Variants in PRELID2 observed in about 807,000 individuals in gnomAD.
The protein encoded by PRELID2 is PRELI domain containing 2.
Under a neutral mutation model 28.4 loss-of-function variants are expected in PRELID2, and 25 were observed. The observed-to-expected ratio is 0.88, with a 90% CI of 0.64 to 1.23. PRELID2 has a LOEUF of 1.23. PRELID2 is among the 50% of genes most tolerant of loss of function. The pLI is 0.00. For synonymous variants in PRELID2, 76 were observed against 71.6 expected (o/e 1.06, Z -0.31); for missense variants, 201 against 214.4 (o/e 0.94, Z 0.39).
chr5:145,397,956 G>C, the PRELID2 span, among the ~76,000 whole-genome samples: 2 of 152,164 alleles, frequency 1.3e-5, no homozygotes, highest in African/African-American at 4.8e-5. Flanking sequence ...ATGCAATGGT[G>C]TGAGGCGATG....
downstream of PRELID2, among the ~76,000 whole-genome samples, chr5:145,753,274 T>C (rs1036309704): frequency 6.6e-6 from 1 of 152,164 alleles, no homozygotes; most frequent in Non-Finnish European, 1.5e-5. Flanking sequence ...CACAGCTACA[T>C]CTTAAGGTCC....
At chr5:145,281,770 T>A in the PRELID2 span, among the ~76,000 whole-genome samples, 2 of 152,186 alleles carry the variant, frequency 1.3e-5, no homozygotes, top group African/African-American at 4.8e-5. Flanking sequence ...GTACGATCAA[T>A]ACAGTAGAAT....
the PRELID2 span, among the ~76,000 whole-genome samples, chr5:145,230,859 G>A: frequency 1.3e-5 from 2 of 152,306 alleles, no homozygotes; most frequent in South Asian, 4.1e-4. Context: ...CACTCACATG[G>A]CTGTTGGTGG....
the PRELID2 span, among the ~76,000 whole-genome samples, chr5:145,427,822 C>T: frequency 0.41 from 62,522 of 151,794 alleles, 13,245 homozygotes; most frequent in Admixed American, 0.49. Context: ...TTAGATTAGA[C>T]GATATTAATT....
At chr5:145,514,510 G>A (rs1399327749) in intron 1 of PRELID2, among the ~76,000 whole-genome samples, 1 of 152,090 alleles carries the variant, frequency 6.6e-6, no homozygotes, top group African/African-American at 2.4e-5. Context: ...AAGTTCATAA[G>A]ACCTACAAAC....
At chr5:145,264,525 C>T in the PRELID2 span, among the ~76,000 whole-genome samples, 1 of 152,064 alleles carries the variant, frequency 6.6e-6, no homozygotes, top group Non-Finnish European at 1.5e-5. Context: ...GACAAACCCA[C>T]AGCCAAAATT....
intron 1 of PRELID2, among the ~76,000 whole-genome samples, chr5:145,509,270 A>G (rs1217423416): frequency 6.6e-6 from 1 of 152,228 alleles, no homozygotes; most frequent in Admixed American, 6.5e-5. Flanking sequence ...AAGCTGCAAC[A>G]GATTTATCAG....
the PRELID2 span, among the ~76,000 whole-genome samples, chr5:145,298,575 C>G: frequency 1.3e-5 from 2 of 152,098 alleles, no homozygotes; most frequent in Non-Finnish European, 2.9e-5. Flanking sequence ...TTACTGCCAT[C>G]ATAAAGGGAC....
At chr5:145,607,113 T>C (rs112387306) in intron 1 of PRELID2, among the ~76,000 whole-genome samples, 50 of 152,226 alleles carry the variant, frequency 3.3e-4, no homozygotes, top group African/African-American at 1.2e-3. Context: ...TCTGATAGTG[T>C]TTATTTGGAT....
chr5:145,711,719 C>T (rs931839373), intron 1 of PRELID2, among the ~76,000 whole-genome samples: 21 of 150,596 alleles, frequency 1.4e-4, no homozygotes, highest in Admixed American at 7.9e-4. Flanking sequence ...TGAGTACTTA[C>T]GGCTGTGTGT....
chr5:145,752,809 GT>G (rs1313334247), downstream of PRELID2, among the ~76,000 whole-genome samples: 2 of 152,076 alleles, frequency 1.3e-5, no homozygotes, highest in Non-Finnish European at 2.9e-5. Context: ...CCAGGGAATT[GT>G]TTTTTGTTTT....
At position 145,758,254 on chromosome 5, in the gene PRELID2, C is replaced by G. The variant is rs968968655; in HGVS notation, c.*2282G>C. Among the ~76,000 whole-genome samples, 5 of 151,844 alleles carry G rather than the reference C, an allele frequency of 3.3e-5. No homozygotes were observed. The highest frequency in any genetic ancestry group is 1.2e-4 in the African/African-American group (5 of 41,322). ...CGACACAACCGCACTGTGCTGGAACCGGGCACACAAGGCAGAAATTCAACC... is the reference window on the plus strand; with the variant it reads ...CGACACAACCGCACTGTGCTGGAACGGGGCACACAAGGCAGAAATTCAACC... On this transcript the variant is annotated 3_prime_UTR_variant, in exon 7 of 7. Coordinates refer to ENST00000683046, the MANE Select transcript of PRELID2 (RefSeq NM_205846.3).
At chr5:145,406,656 G>A in the PRELID2 span, among the ~76,000 whole-genome samples, 2 of 152,190 alleles carry the variant, frequency 1.3e-5, no homozygotes, top group Non-Finnish European at 2.9e-5. Context: ...AAGAACCACT[G>A]CAAGAACATA....
At chr5:145,736,763 T>C (rs1256129677) in intron 1 of PRELID2, among the ~76,000 whole-genome samples, 1 of 152,202 alleles carries the variant, frequency 6.6e-6, no homozygotes, top group East Asian at 1.9e-4. Context: ...ATCAGCTTCA[T>C]GGGAAAACAG....
the PRELID2 span, among the ~76,000 whole-genome samples, chr5:145,325,343 C>T: frequency 6.6e-6 from 1 of 152,176 alleles, no homozygotes; most frequent in Non-Finnish European, 1.5e-5. Flanking sequence ...CAACTAAGTG[C>T]TACAACATCC....
chr5:145,382,462 A>T, the PRELID2 span, among the ~76,000 whole-genome samples: 1 of 152,062 alleles, frequency 6.6e-6, no homozygotes, highest in African/African-American at 2.4e-5. Flanking sequence ...ATAATAAGAA[A>T]ATCTTGACAG....
chr5:145,373,094 T>C, the PRELID2 span, among the ~76,000 whole-genome samples: 1,525 of 66,972 alleles, frequency 0.023, 143 homozygotes, highest in African/African-American at 0.064. Context: ...ATATAATATA[T>C]ATGATATATA....
chr5:145,581,330 A>C (rs1753105471), intron 1 of PRELID2, among the ~76,000 whole-genome samples: 1 of 152,048 alleles, frequency 6.6e-6, no homozygotes, highest in Admixed American at 6.6e-5. Flanking sequence ...CATAAGCCTA[A>C]AGTGGTTTTT....
intron 5 of PRELID2, among the ~76,000 whole-genome samples, chr5:145,781,197 G>A (rs999940866): frequency 6.6e-6 from 1 of 152,100 alleles, no homozygotes; most frequent in Non-Finnish European, 1.5e-5. Context: ...ATAGACAAAG[G>A]GAGGAAGAAT....
Sources: allele counts gnomAD v4.1 joint callset (sites outside exome capture counted in the v4.1 genomes callset), GRCh38; gene constraint gnomAD v4.1.1; transcripts MANE v1.5; gene names NCBI Gene and HGNC (gene_info 2026-07-23, HGNC 2026-07-21).